Variants in RYR2 observed in about 807,000 individuals in gnomAD.
RYR2 encodes cardiac muscle ryanodine receptor-calcium release channel.
Under a neutral mutation model 601.1 loss-of-function variants are expected in RYR2, and 227 were observed. The observed-to-expected ratio is 0.38, with a 90% CI of 0.34 to 0.42. The LOEUF is 0.42. Ranked by LOEUF, RYR2 falls within the 10% of genes least tolerant of loss-of-function variation. The probability of loss-of-function intolerance (pLI) is 1.00; values close to 1 mark genes in which losing one functional copy is unlikely to be tolerated. For synonymous variants in RYR2, 2,223 were observed against 2,175.1 expected (o/e 1.02, Z -0.61); for missense variants, 4,646 against 6,156.5 (o/e 0.75, Z 8.21).
chr1:237,257,091 G>A (rs1313137149), intron 1 of RYR2, among the ~76,000 whole-genome samples: 1 of 152,144 alleles, frequency 6.6e-6, no homozygotes, highest in Non-Finnish European at 1.5e-5. Flanking sequence ...ACTATCTAAA[G>A]ATATTTGGGA....
At chr1:237,602,451 T>C (rs959423511) in intron 35 of RYR2, among the ~76,000 whole-genome samples, 1 of 152,178 alleles carries the variant, frequency 6.6e-6, no homozygotes, top group African/African-American at 2.4e-5. Flanking sequence ...TAGTGGTATG[T>C]ATGGAATACT....
intron 2 of RYR2, among the ~76,000 whole-genome samples, chr1:237,313,758 C>G (rs920208665): frequency 1.3e-5 from 2 of 152,150 alleles, no homozygotes; most frequent in Non-Finnish European, 2.9e-5. Flanking sequence ...ATTATCTCTA[C>G]TTTAGTTTCT....
At chr1:237,565,754 C>T (rs181401915) in intron 27 of RYR2, among the ~76,000 whole-genome samples, 1 of 152,270 alleles carries the variant, frequency 6.6e-6, no homozygotes, top group East Asian at 1.9e-4. Flanking sequence ...AATGAACACT[C>T]ATTCCTCTCC....
chr1:237,515,978 TCTC>T (rs1476477802), intron 24 of RYR2, among the ~76,000 whole-genome samples: 2 of 144,356 alleles, frequency 1.4e-5, no homozygotes, highest in South Asian at 2.3e-4. Flanking sequence ...TTCTCCTTCT[TCTC>T]CTCCCTCTTC....
At chr1:237,413,615 A>G (rs1034352903) in intron 10 of RYR2, among the ~76,000 whole-genome samples, 1 of 152,096 alleles carries the variant, frequency 6.6e-6, no homozygotes, top group African/African-American at 2.4e-5. Context: ...ATTAATGCTA[A>G]TAGTTTGATG....
At chr1:237,413,876 A>C (rs535171128) in intron 10 of RYR2, among the ~76,000 whole-genome samples, 2 of 152,114 alleles carry the variant, frequency 1.3e-5, no homozygotes, top group African/African-American at 4.8e-5. Flanking sequence ...AAAAGTGTTC[A>C]AAGTTTACCT....
At chr1:237,082,524 CATATATATATATATATATAT>C (rs71561856) in intron 1 of RYR2, among the ~76,000 whole-genome samples, 17 of 80,004 alleles carry the variant, frequency 2.1e-4, no homozygotes, top group South Asian at 5.2e-4. Flanking sequence ...AATAGGAAAA[CATATATATATATATATATAT>C]ATATATATAT....
intron 14 of RYR2, among the ~76,000 whole-genome samples, chr1:237,448,094 T>C (rs894360325): frequency 5.9e-5 from 9 of 151,868 alleles, no homozygotes; most frequent in Non-Finnish European, 1.2e-4. Context: ...TCCTGGCTAA[T>C]TTTTTTATTT....
chr1:237,113,094 T>TTTTCATAAA (rs1445319609), intron 1 of RYR2, among the ~76,000 whole-genome samples: 11 of 152,118 alleles, frequency 7.2e-5, no homozygotes, highest in African/African-American at 2.2e-4. Flanking sequence ...CCAAAAATGG[T>TTTTCATAAA]TTCTGAGGTT....
At position 237,784,381 on chromosome 1, in the gene RYR2, G is replaced by C; in HGVS notation, c.12669G>C (p.Lys4223Asn). 1 of 1,613,976 alleles carries C rather than the reference G, an allele frequency of 6.2e-7. No individual in the cohort carries two copies. The highest frequency in any genetic ancestry group is 8.5e-7 in the Non-Finnish European group (1 of 1,179,870). The change falls in exon 90 of 105, where the codon AAG becomes AAC. Residue 4223 changes from lysine (K) to asparagine (N), a missense_variant. Lys to Asn is a moderately conservative substitution (Grantham distance 94). This residue lies in a region of RYR2 where 364 missense variants were observed against 442.9 expected (regional missense o/e 0.82). Coordinates refer to ENST00000366574, the MANE Select transcript of RYR2 (RefSeq NM_001035.3). This position sits in a 1 kb window ranked among gnomAD's most constrained non-coding sequence, Gnocchi z 7.1. ...ERSANKEESEKERPEEQGPRM... is the reference protein window; with the variant it reads ...ERSANKEESENERPEEQGPRM... Reference sequence around the variant, plus strand: ...CAGCGAATAAGGAAGAAAGCGAGAAGGAGAGGCCGGAAGAGCAGGGGCCGA... The same window carrying C: ...CAGCGAATAAGGAAGAAAGCGAGAACGAGAGGCCGGAAGAGCAGGGGCCGA...
At chr1:237,530,922 A>T (rs1668079937) in intron 25 of RYR2, among the ~76,000 whole-genome samples, 1 of 151,476 alleles carries the variant, frequency 6.6e-6, no homozygotes, top group Non-Finnish European at 1.5e-5. Context: ...AAAAAAAAAA[A>T]TTCAGATTCA....
chr1:237,784,884 A>G lies in RYR2; in HGVS notation c.13172A>G (p.Tyr4391Cys). 1 of 1,613,448 alleles carries G rather than the reference A, an allele frequency of 6.2e-7. No homozygotes were observed. The highest frequency in any genetic ancestry group is 8.5e-7 in the Non-Finnish European group (1 of 1,179,658). Residue 4391 changes from tyrosine (Y) to cysteine (C), a missense_variant, in exon 90 of 105, where the codon TAC (tyrosine) becomes TGC (cysteine). By Grantham distance (194) the Tyr-to-Cys change is radical. This residue lies in a region of RYR2 where 364 missense variants were observed against 442.9 expected (regional missense o/e 0.82). Coordinates refer to ENST00000366574, the MANE Select transcript of RYR2 (RefSeq NM_001035.3). This position sits in a 1 kb window ranked among gnomAD's most constrained non-coding sequence, Gnocchi z 7.1. Reference sequence around the variant, plus strand: ...GATCTGAAGAGAGAAGGAGGACAGTACAAACTGATTCCTCATAATCCAAAT... The same window carrying G: ...GATCTGAAGAGAGAAGGAGGACAGTGCAAACTGATTCCTCATAATCCAAAT... ...GLDLKREGGQ[Y>C]KLIPHNPNAG...
At chr1:237,097,362 T>C (rs1558227231) in intron 1 of RYR2, among the ~76,000 whole-genome samples, 2 of 152,200 alleles carry the variant, frequency 1.3e-5, no homozygotes, top group Non-Finnish European at 2.9e-5. Context: ...TCCTGTTTGG[T>C]TGCTCATTCT....
intron 1 of RYR2, among the ~76,000 whole-genome samples, chr1:237,202,860 A>T (rs1366491065): frequency 2.5e-4 from 38 of 152,114 alleles, no homozygotes; most frequent in Admixed American, 2.5e-3. Flanking sequence ...GATGGAAAGG[A>T]GGGAAAGGAC....
chr1:237,262,261 T>TTG (rs1688614364), intron 1 of RYR2, among the ~76,000 whole-genome samples: 1 of 139,252 alleles, frequency 7.2e-6, no homozygotes, highest in African/African-American at 2.6e-5. Context: ...TTTTTTTTTT[T>TTG]TTTTTTTTTT....
intron 48 of RYR2, among the ~76,000 whole-genome samples, chr1:237,643,761 C>G (rs544239570): frequency 6.6e-6 from 1 of 151,528 alleles, no homozygotes; most frequent in African/African-American, 2.4e-5. Context: ...TACAGGCGCC[C>G]GTCACCATGC....
intron 63 of RYR2, among the ~76,000 whole-genome samples, chr1:237,692,213 T>C (rs1447963493): frequency 6.6e-6 from 1 of 152,194 alleles, no homozygotes; most frequent in African/African-American, 2.4e-5. Context: ...AATAAACATG[T>C]ATTGTATGTC....
Position 237,648,437 on chromosome 1 carries a change from C to G in RYR2, c.7343-7C>G. ...CATTGACACCAAAATTCACTTCTCT[C>G]TTTTAGATGGGAATGTGGTGGAACC... On this transcript the variant is annotated splice_polypyrimidine_tract_variant and splice_region_variant and intron_variant, in intron 48 of 104. Coordinates refer to ENST00000366574, the MANE Select transcript of RYR2 (RefSeq NM_001035.3). 3 of 1,597,660 alleles carry G rather than the reference C, an allele frequency of 1.9e-6. No individual in the cohort carries two copies. Among genetic ancestry groups the G allele is most frequent in the East Asian group, 2.2e-5 (1 of 44,690 alleles).
chr1:237,543,269 G>C (rs180763497), intron 25 of RYR2, among the ~76,000 whole-genome samples: 4 of 152,194 alleles, frequency 2.6e-5, no homozygotes, highest in Admixed American at 1.3e-4. Context: ...CAAGTAAAAA[G>C]GAGTTTGGGG....
Sources: allele counts gnomAD v4.1 joint callset (sites outside exome capture counted in the v4.1 genomes callset), GRCh38; gene constraint gnomAD v4.1.1; regional missense constraint gnomAD v4.1.1; non-coding constraint Gnocchi (gnomAD v3.1); transcripts MANE v1.5; gene names NCBI Gene and HGNC (gene_info 2026-07-23, HGNC 2026-07-21).